The following AIG1 variants were observed in gnomAD, a reference collection of about 807,000 sequenced individuals.
The protein encoded by AIG1 is androgen induced 1.
Under a neutral mutation model 31.4 loss-of-function variants are expected in AIG1, and 23 were observed. The ratio of observed to expected loss-of-function variants is 0.73; its 90% confidence interval spans 0.53 to 1.04. The LOEUF (loss-of-function observed/expected upper bound fraction) is 1.04. Among genes scored for constraint, AIG1 ranks in the 50% least tolerant of loss-of-function variants. The pLI, the probability that AIG1 is intolerant of heterozygous loss-of-function variation, is 0.00. For synonymous variants in AIG1, 100 were observed against 110.5 expected (o/e 0.90, Z 0.60); for missense variants, 274 against 295.0 (o/e 0.93, Z 0.52).
upstream of AIG1, among the ~76,000 whole-genome samples, chr6:143,059,871 G>A (rs1486280586): frequency 2.6e-5 from 4 of 152,210 alleles, no homozygotes; most frequent in Non-Finnish European, 5.9e-5. Flanking sequence ...GTTGCCCACA[G>A]ACTGATGCAA....
chr6:143,238,204 G>A (rs944661421), intron 3 of AIG1, among the ~76,000 whole-genome samples: 1 of 152,168 alleles, frequency 6.6e-6, no homozygotes, highest in Non-Finnish European at 1.5e-5. Flanking sequence ...GGCTCCCAAA[G>A]TCCTGGGATT....
At chr6:143,130,358 G>T (rs1783101843) in intron 1 of AIG1, among the ~76,000 whole-genome samples, 1 of 152,100 alleles carries the variant, frequency 6.6e-6, no homozygotes, top group African/African-American at 2.4e-5. Context: ...GACTATGAAG[G>T]CTCAAAAGAG....
At chr6:143,211,975 G>A (rs768898507) in intron 3 of AIG1, among the ~76,000 whole-genome samples, 1 of 151,366 alleles carries the variant, frequency 6.6e-6, no homozygotes, top group Non-Finnish European at 1.5e-5. Flanking sequence ...AATGTCCTTT[G>A]TGTAACCCAG....
chr6:143,276,966 C>G (rs1796968010), intron 3 of AIG1, among the ~76,000 whole-genome samples: 1 of 152,162 alleles, frequency 6.6e-6, no homozygotes, highest in Non-Finnish European at 1.5e-5. Flanking sequence ...CGTTGATTCT[C>G]TTCATGCCCT....
chr6:143,306,819 C>T (rs1562577178), intron 4 of AIG1, among the ~76,000 whole-genome samples: 1 of 152,184 alleles, frequency 6.6e-6, no homozygotes, highest in Non-Finnish European at 1.5e-5. Context: ...TCCATTCTCC[C>T]CGTCACTTTC....
At chr6:143,102,788 G>T (rs1486122109) in intron 1 of AIG1, among the ~76,000 whole-genome samples, 1 of 151,964 alleles carries the variant, frequency 6.6e-6, no homozygotes, top group Non-Finnish European at 1.5e-5. Context: ...GACACATGTA[G>T]ACATGTCAAA....
At chr6:143,217,035 C>T (rs1399306537) in intron 3 of AIG1, among the ~76,000 whole-genome samples, 1 of 152,212 alleles carries the variant, frequency 6.6e-6, no homozygotes, top group Non-Finnish European at 1.5e-5. Flanking sequence ...TAGTATTCTT[C>T]ATTACACAAT....
At chr6:143,072,592 A>G (rs1226727670) in intron 1 of AIG1, among the ~76,000 whole-genome samples, 5 of 151,624 alleles carry the variant, frequency 3.3e-5, no homozygotes. Context: ...TTTTTTGTAT[A>G]TGCCCCTTAT....
intron 2 of AIG1, among the ~76,000 whole-genome samples, chr6:143,159,699 G>A (rs1786149525): frequency 2.0e-5 from 3 of 152,164 alleles, no homozygotes. Flanking sequence ...TATGGTTGAG[G>A]AAAATTAGTC....
intron 1 of AIG1, among the ~76,000 whole-genome samples, chr6:143,082,324 G>A (rs1010084543): frequency 6.6e-6 from 1 of 152,156 alleles, no homozygotes; most frequent in Non-Finnish European, 1.5e-5. Context: ...CAGTATACAA[G>A]TTGAGGTCGG....
intron 1 of AIG1, among the ~76,000 whole-genome samples, chr6:143,063,476 T>C (rs190737972): frequency 1.3e-5 from 2 of 152,336 alleles, no homozygotes; most frequent in African/African-American, 4.8e-5. Flanking sequence ...CTTTTTATTA[T>C]TTGAGATTTA....
rs1777289215 is a variant in AIG1 at position 143,333,998 on chromosome 6, C to A, written c.679+553C>A. The A allele has an allele frequency of 2.1e-6, 3 of 1,455,646 alleles. No homozygotes were observed. Among genetic ancestry groups the A allele is most frequent in the African/African-American group, 1.4e-5 (1 of 71,050 alleles). The allele number at this position is 1,455,646 out of a possible 1,614,324, so 90.2% of individuals were successfully genotyped here. A position where few individuals can be genotyped will look rare whatever the true frequency, so the allele number is the denominator to read the frequency against. The stretch of plus-strand genomic sequence containing the variant: ...TCTGAAAGTGGCAAAGAGCTACAAG[C>A]AGTAAAAGATAATATTTCGTGGCTG... On this transcript the variant is annotated intron_variant, in intron 5 of 5. Transcript: ENST00000357847. This position sits in a 1 kb window ranked among gnomAD's most constrained non-coding sequence, Gnocchi z 4.6.
At chr6:143,089,609 C>T (rs1779118894) in intron 1 of AIG1, among the ~76,000 whole-genome samples, 1 of 152,170 alleles carries the variant, frequency 6.6e-6, no homozygotes, top group African/African-American at 2.4e-5. Context: ...TTATTTGGCT[C>T]ATGATTCTGC....
intron 2 of AIG1, among the ~76,000 whole-genome samples, chr6:143,151,839 T>C (rs1421841055): frequency 6.6e-6 from 1 of 152,184 alleles, no homozygotes; most frequent in Non-Finnish European, 1.5e-5. Flanking sequence ...TGAACTTGAA[T>C]TGGATGATAC....
intron 2 of AIG1, among the ~76,000 whole-genome samples, chr6:143,141,865 T>C (rs919435532): frequency 2.0e-5 from 3 of 152,022 alleles, no homozygotes; most frequent in Non-Finnish European, 4.4e-5. Flanking sequence ...GCTAAGAGAC[T>C]AGGCTTAGGC....
chr6:143,117,648 T>G (rs1408938304), intron 1 of AIG1, among the ~76,000 whole-genome samples: 1 of 151,974 alleles, frequency 6.6e-6, no homozygotes, highest in Non-Finnish European at 1.5e-5. Context: ...AAGGGAGAGG[T>G]CCTGGCTGAG....
At chr6:143,240,777 T>G (rs1286339791) in intron 3 of AIG1, among the ~76,000 whole-genome samples, 2 of 152,224 alleles carry the variant, frequency 1.3e-5, no homozygotes, top group East Asian at 3.8e-4. Context: ...CATTTTTTAT[T>G]GGATTCAATG....
rs142411516 is a variant in AIG1, at chr6:143,084,086, A to G, written c.141+23020A>G. 6.2e-3 allele frequency among the ~76,000 whole-genome samples: 947 copies of G among 152,276 alleles called. 15 individuals carry two copies. The highest frequency in any genetic ancestry group is 0.019 in the African/African-American group (804 of 41,548). ...CTGGAGGACAGTTGTCCGGGACAGGAGAGTAAGACTGAGAAGGCCGCACCA... is the reference window on the plus strand; with the variant it reads ...CTGGAGGACAGTTGTCCGGGACAGGGGAGTAAGACTGAGAAGGCCGCACCA... On this transcript the variant is annotated intron_variant, in intron 1 of 5. Transcript: ENST00000357847.
chr6:143,332,768 A>T (rs1384264031), intron 4 of AIG1, among the ~76,000 whole-genome samples: 1 of 152,242 alleles, frequency 6.6e-6, no homozygotes, highest in Non-Finnish European at 1.5e-5. Flanking sequence ...ATACATGACC[A>T]GATTGTTTAA....
Sources: gnomAD v4.1 joint callset for allele counts (sites outside exome capture counted in the v4.1 genomes callset) on GRCh38, gnomAD v4.1.1 for gene constraint, Gnocchi (gnomAD v3.1) non-coding constraint, MANE v1.5 for transcripts, NCBI Gene and HGNC (gene_info 2026-07-23, HGNC 2026-07-21) for gene names.